The following BLM variants were observed in gnomAD, a reference collection of about 807,000 sequenced individuals.
BLM encodes recQ-like DNA helicase BLM.
A neutral mutation model predicts 135.3 loss-of-function variants in BLM; 95 were observed. The ratio of observed to expected loss-of-function variants is 0.70; its 90% CI spans 0.59 to 0.83. The LOEUF is 0.83. BLM is among the 40% of genes least tolerant of loss of function. The pLI, the probability that BLM is intolerant of heterozygous loss-of-function variation, is 0.00. For synonymous variants in BLM, 520 were observed against 589.2 expected, an observed-to-expected ratio of 0.88 and a Z score of 1.70; for missense variants, 1,518 against 1,663.9, an observed-to-expected ratio of 0.91 and a Z score of 1.53.
chr15:90,761,507 G>A (rs1895987385), intron 7 of BLM, among the ~76,000 whole-genome samples: 3 of 152,108 alleles, frequency 2.0e-5, no homozygotes, highest in Admixed American at 2.0e-4. Flanking sequence ...CAAATGTGAT[G>A]TGCCTTTGAA....
At chr15:90,788,423 T>TA (rs1453570505) in intron 14 of BLM, among the ~76,000 whole-genome samples, 1 of 151,808 alleles carries the variant, frequency 6.6e-6, no homozygotes, top group Non-Finnish European at 1.5e-5. Flanking sequence ...ATACTGATTT[T>TA]AGTCTTCCCA....
intron 6 of BLM, 152 bp from the exon 7 acceptor site, chr15:90,760,442 T>C (rs1387430776): frequency 8.2e-7 from 1 of 1,216,648 alleles, no homozygotes; most frequent in East Asian, 2.4e-5. Context: ...AAACCACTCC[T>C]TTAACATTCG....
At chr15:90,803,811 A>G (rs1897223824) in intron 18 of BLM, 91 bp downstream of exon 18, 3 of 1,298,294 alleles carry the variant, frequency 2.3e-6, no homozygotes, top group Admixed American at 1.8e-5. Flanking sequence ...CCAAGCTTAT[A>G]GATACTGAAT....
intron 8 of BLM, among the ~76,000 whole-genome samples, chr15:90,764,453 T>TC (rs558074312): frequency 2.0e-5 from 3 of 151,468 alleles, no homozygotes; most frequent in African/African-American, 4.8e-5. Flanking sequence ...GTTCAAACAA[T>TC]CCCCCCCACC....
chr15:90,739,606 C>T (rs755028431), intron 1 of BLM, among the ~76,000 whole-genome samples: 10 of 152,038 alleles, frequency 6.6e-5, no homozygotes, highest in African/African-American at 1.7e-4. Flanking sequence ...AAGCCAGTCC[C>T]GAAAAGGCAA....
intron 14 of BLM, among the ~76,000 whole-genome samples, chr15:90,786,820 G>A (rs190171146): frequency 4.7e-4 from 71 of 151,816 alleles, no homozygotes; most frequent in Non-Finnish European, 8.1e-4. Flanking sequence ...TCACCATATT[G>A]GCCAGGCTGG....
intron 5 of BLM, 186 bp from the exon 6 acceptor site, chr15:90,759,961 T>C (rs1187354162): frequency 2.1e-6 from 1 of 480,238 alleles, no homozygotes; most frequent in Non-Finnish European, 3.7e-6. Context: ...TAAGACTTTT[T>C]TTTTTTTTTT....
chr15:90,801,005 C>T (rs1486585520), intron 17 of BLM, among the ~76,000 whole-genome samples: 3 of 152,016 alleles, frequency 2.0e-5, no homozygotes, highest in Non-Finnish European at 4.4e-5. Flanking sequence ...AAAAATTAGC[C>T]GGGACTGATG....
Position 90,763,014 on chromosome 15 carries a change from T to A in BLM, c.1931T>A (p.Phe644Tyr), listed in dbSNP as rs371023654. ...LASRNLKHERFQSLSFPHTKE... is the reference protein window; with the variant it reads ...LASRNLKHERYQSLSFPHTKE... ...TCCAGAAATCTGAAACATGAGCGTTTCCAAAGTCTTAGTTTTCCTCATACA... is the reference window on the plus strand; with the variant it reads ...TCCAGAAATCTGAAACATGAGCGTTACCAAAGTCTTAGTTTTCCTCATACA... Residue 644 changes from phenylalanine to tyrosine, a missense_variant, in exon 8 of 22, where the codon TTC becomes TAC. Around this residue, in one of 5 missense-constraint regions of BLM, gnomAD observed 724 missense variants for 756.9 expected, o/e 0.96. Coordinates refer to ENST00000355112, the MANE Select transcript of BLM (RefSeq NM_000057.4). 6.2e-6 allele frequency: 10 copies of A among 1,613,436 alleles called. No individual in the cohort carries two copies. The African/African-American group carries it at 1.3e-4, about 22-fold the overall frequency.
At position 90,782,865 on chromosome 15, in the gene BLM, T is replaced by C. The variant is rs370713907; in HGVS notation, c.2599T>C (p.Leu867=). Residue 867 remains leucine, a synonymous_variant, in exon 13 of 22, where the codon TTA becomes CTA. Coordinates refer to ENST00000355112, the MANE Select transcript of BLM (RefSeq NM_000057.4). ...CAGACATAATCTGAAATACTATGTA[T>C]TACCGAAAAAGCCTAAAAAGGTGGC... ...FNRHNLKYYV[L]PKKPKKVAFD... is the part of the protein sequence containing the mutation. The C allele has an allele frequency of 6.8e-6, 11 of 1,613,778 alleles. No homozygotes were observed. The African/African-American group carries it at 9.3e-5, about 14-fold the overall frequency.
intron 17 of BLM, among the ~76,000 whole-genome samples, chr15:90,802,654 T>A (rs1050838944): frequency 6.6e-6 from 1 of 152,106 alleles, no homozygotes; most frequent in African/African-American, 2.4e-5. Flanking sequence ...TGTCAAAAAT[T>A]GTTTGTAGCC....
At chr15:90,795,206 C>T (rs7174473) in intron 16 of BLM, among the ~76,000 whole-genome samples, 1,941 of 152,282 alleles carry the variant, frequency 0.013, 44 homozygotes, top group African/African-American at 0.045. Flanking sequence ...TGGCTTGGCG[C>T]AGTGGCTCAT....
At chr15:90,807,922 A>G (rs1897318800) in intron 19 of BLM, among the ~76,000 whole-genome samples, 1 of 152,220 alleles carries the variant, frequency 6.6e-6, no homozygotes, top group South Asian at 2.1e-4. Context: ...GAGCAGTAAC[A>G]ACCGCAAGGC....
At position 90,768,683 on chromosome 15, in the gene BLM, A is replaced by T. The variant is rs1305232533; in HGVS notation, c.2308-450A>T. Among the ~76,000 whole-genome samples, 4 of 152,176 alleles carry T rather than the reference A, an allele frequency of 2.6e-5. No individual in the cohort carries two copies. In the East Asian group the frequency reaches 7.7e-4, roughly 29 times the overall value. ...TTCTATTACTTCTGCTGTTCTCTTC[A>T]TAGATTGAAATAAGAACCAATTTTA... On this transcript the variant is annotated intron_variant, in intron 10 of 21. Transcript: ENST00000355112.
chr15:90,798,172 T>G lies in BLM; in HGVS notation c.3211-18T>G. 6.3e-7 allele frequency: 1 copy of G among 1,583,188 alleles called. No individual in the cohort carries two copies. The highest frequency in any genetic ancestry group is 1.3e-5 in the African/African-American group (1 of 74,220). On this transcript the variant is annotated intron_variant, in intron 16 of 21. Transcript: ENST00000355112. ...GTTACCTTAATTATAGCAGAAAGTA[T>G]TCTCTTTTTATTCATAGGATTATAA...
chr15:90,784,087 C>T (rs998232433), intron 13 of BLM, among the ~76,000 whole-genome samples: 1 of 152,062 alleles, frequency 6.6e-6, no homozygotes, highest in Non-Finnish European at 1.5e-5. Context: ...CTTTTAAAAA[C>T]TTAGAAAACA....
rs1167576425 is a variant in BLM, at chr15:90,760,277, A to C, written c.1218A>C (p.Ile406=). 1.9e-6 allele frequency: 3 copies of C among 1,614,074 alleles called. No homozygotes were observed. The highest frequency in any genetic ancestry group is 2.5e-6 in the Non-Finnish European group (3 of 1,180,016). ...ACGAACTGCTTCAGCAGCGGAACAT[A>C]AGGTATCTTAATTTTCCCCCTTCTG... is the stretch of plus-strand genomic sequence containing the variant. The part of the protein sequence containing the change: ...CGNELLQQRN[I]RRKLLTEVDF... The change falls in exon 6 of 22, where the codon ATA becomes ATC. Residue 406 remains isoleucine (I), a splice_region_variant and synonymous_variant. Coordinates refer to ENST00000355112, the MANE Select transcript of BLM (RefSeq NM_000057.4).
At chr15:90,784,807 A>G (rs1239849218) in intron 13 of BLM, 114 bp from the exon 14 acceptor site, 48 of 1,127,008 alleles carry the variant, frequency 4.3e-5, no homozygotes, top group Middle Eastern at 5.0e-4. Context: ...CAGCAGTATA[A>G]GAACACTACG....
chr15:90,754,185 C>G (rs1229515558), intron 4 of BLM, among the ~76,000 whole-genome samples: 1 of 152,164 alleles, frequency 6.6e-6, no homozygotes, highest in African/African-American at 2.4e-5. Context: ...TCCACAGTAT[C>G]CTCTCTTTAA....
Sources: allele counts gnomAD v4.1 joint callset (sites outside exome capture counted in the v4.1 genomes callset), GRCh38; gene constraint gnomAD v4.1.1; regional missense constraint gnomAD v4.1.1; transcripts MANE v1.5; gene names NCBI Gene and HGNC (gene_info 2026-07-23, HGNC 2026-07-21).